Variants in UGT1A10 observed in about 807,000 individuals in gnomAD.
UGT1A10 encodes the protein UDP-glucuronosyltransferase 1A10.
A neutral mutation model predicts 45.8 loss-of-function variants in UGT1A10; 49 were observed. That is an observed-to-expected ratio of 1.07 (90% CI 0.85 to 1.36). The LOEUF is 1.36. Among genes scored for constraint, UGT1A10 ranks in the 40% most tolerant of loss-of-function variants. UGT1A10 has a pLI of 0.00. For missense variants in UGT1A10, 745 were observed against 668.6 expected (o/e 1.11, Z -1.26); for synonymous variants, 284 against 249.7 (o/e 1.14, Z -1.29).
intron 1 of UGT1A10, among the ~76,000 whole-genome samples, chr2:233,738,491 G>A (rs113157638): frequency 2.0e-5 from 3 of 152,180 alleles, no homozygotes; most frequent in Non-Finnish European, 4.4e-5. Context: ...CTTGTTGAAC[G>A]GTTTTGACCA....
intron 1 of UGT1A10, among the ~76,000 whole-genome samples, chr2:233,663,916 T>C (rs1170443025): frequency 2.0e-5 from 3 of 152,200 alleles, no homozygotes; most frequent in East Asian, 1.9e-4. Flanking sequence ...ACAAGTAGAA[T>C]GATATAACTT....
intron 1 of UGT1A10, among the ~76,000 whole-genome samples, chr2:233,705,549 T>C (rs966498123): frequency 3.9e-5 from 6 of 152,104 alleles, no homozygotes; most frequent in Non-Finnish European, 8.8e-5. Flanking sequence ...GAGCAGCTGG[T>C]GATATTGCTT....
chr2:233,724,264 C>T (rs1250827727), intron 1 of UGT1A10, among the ~76,000 whole-genome samples: 29 of 116,506 alleles, frequency 2.5e-4, no homozygotes, highest in African/African-American at 4.8e-4. Flanking sequence ...ACCTCCCGGA[C>T]GGGGCGGCTG....
intron 1 of UGT1A10, among the ~76,000 whole-genome samples, chr2:233,724,164 AC>A (rs1305793865): frequency 2.6e-4 from 26 of 101,282 alleles, no homozygotes; most frequent in African/African-American, 4.5e-4. Flanking sequence ...GGGGGGGCTG[AC>A]CCCCCCATCT....
chr2:233,743,885 G>C (rs1351631369), intron 1 of UGT1A10: 1 of 1,366,928 alleles, frequency 7.3e-7, no homozygotes, highest in Non-Finnish European at 9.8e-7. Context: ...GGCCTGCCGG[G>C]GCACGTCCAG....
intron 1 of UGT1A10, among the ~76,000 whole-genome samples, chr2:233,673,258 T>G (rs2074255597): frequency 6.6e-6 from 1 of 152,184 alleles, no homozygotes; most frequent in Non-Finnish European, 1.5e-5. Flanking sequence ...TTTCTTTGCA[T>G]TTTTCACTTG....
At chr2:233,709,130 G>C (rs569076662) in intron 1 of UGT1A10, among the ~76,000 whole-genome samples, 1 of 152,068 alleles carries the variant, frequency 6.6e-6, no homozygotes, top group African/African-American at 2.4e-5. Flanking sequence ...TGGTGGCCAA[G>C]GGGATGAGAC....
chr2:233,707,308 T>A (rs1362623312), intron 1 of UGT1A10, among the ~76,000 whole-genome samples: 2 of 152,304 alleles, frequency 1.3e-5, no homozygotes, highest in Non-Finnish European at 2.9e-5. Flanking sequence ...GCAGGTTTGT[T>A]ACATAGCTAA....
Position 233,636,932 on chromosome 2 carries a change from TA to T in UGT1A10, c.413del (p.Lys138ArgfsTer18). On this transcript the variant is annotated frameshift_variant, in exon 1 of 5. Transcript: ENST00000344644. LOFTEE classifies it high-confidence loss of function. The stretch of plus-strand genomic sequence containing the variant: ...AATGACCGAAAATTAGTAGAATACT[TA>T]AAGGAGAGTTCTTTTGATGCAGTGT... Reference protein sequence around the residue: ...LFNDRKLVEYLKESSFDAVFL... With the variant: ...LFNDRKLVEYXKESSFDAVFL... The T allele has an allele frequency of 6.2e-7, 1 of 1,614,214 alleles. No individual in the cohort carries two copies. Among genetic ancestry groups the T allele is most frequent in the Non-Finnish European group, 8.5e-7 (1 of 1,180,038 alleles).
chr2:233,761,974 C>T (rs914774281), intron 1 of UGT1A10, among the ~76,000 whole-genome samples: 3 of 152,214 alleles, frequency 2.0e-5, no homozygotes, highest in African/African-American at 7.2e-5. Context: ...CTGATATCAC[C>T]TTCGGAGGTG....
intron 1 of UGT1A10, chr2:233,647,786 G>C: frequency 1.6e-6 from 1 of 623,018 alleles, no homozygotes; most frequent in Admixed American, 3.2e-5. Flanking sequence ...TTCCTAATCA[G>C]TCTGGGTAGA....
At chr2:233,711,358 CT>C (rs2076176304) in intron 1 of UGT1A10, among the ~76,000 whole-genome samples, 1 of 152,218 alleles carries the variant, frequency 6.6e-6, no homozygotes, top group African/African-American at 2.4e-5. Flanking sequence ...GGGGAGCCCC[CT>C]GAATGTGGTG....
intron 1 of UGT1A10, among the ~76,000 whole-genome samples, chr2:233,680,179 G>A (rs559961507): frequency 6.6e-6 from 1 of 152,104 alleles, no homozygotes; most frequent in African/African-American, 2.4e-5. Context: ...TTGCTTCTTG[G>A]GAGTACTTGC....
chr2:233,743,440 G>C (rs192671736), intron 1 of UGT1A10: 1 of 1,361,822 alleles, frequency 7.3e-7, no homozygotes, highest in South Asian at 1.1e-5. Context: ...ACGAAATCCT[G>C]TATCAAAAGA....
chr2:233,760,983 C>T (rs752251675), intron 1 of UGT1A10: 4 of 1,614,060 alleles, frequency 2.5e-6, no homozygotes, highest in Non-Finnish European at 8.5e-7. Flanking sequence ...CGTATGCAAC[C>T]CTTGCCTCAG....
At chr2:233,682,507 C>G in intron 1 of UGT1A10, 1 of 1,613,928 alleles carries the variant, frequency 6.2e-7, no homozygotes, top group Non-Finnish European at 8.5e-7. Context: ...TTTCCTATGT[C>G]CCCAGACTTC....
chr2:233,746,760 G>A (rs1693469059), intron 1 of UGT1A10, among the ~76,000 whole-genome samples: 1 of 151,816 alleles, frequency 6.6e-6, no homozygotes, highest in South Asian at 2.1e-4. Context: ...AGATTAATTG[G>A]ATTGCTTAGT....
intron 1 of UGT1A10, among the ~76,000 whole-genome samples, chr2:233,659,622 G>A (rs1321709683): frequency 5.9e-5 from 9 of 152,164 alleles, no homozygotes; most frequent in Admixed American, 4.6e-4. Flanking sequence ...GGAAGAGGTG[G>A]AGGAGGTGGA....
intron 1 of UGT1A10, chr2:233,717,851 C>G (rs1207053038): frequency 2.2e-6 from 1 of 455,084 alleles, no homozygotes; most frequent in Non-Finnish European, 4.4e-6. Flanking sequence ...CTTATCAGAA[C>G]TTGGTGCTGG....
Sources: gnomAD v4.1 joint callset for allele counts (sites outside exome capture counted in the v4.1 genomes callset) on GRCh38, gnomAD v4.1.1 for gene constraint, MANE v1.5 for transcripts, NCBI Gene and HGNC (gene_info 2026-07-23, HGNC 2026-07-21) for gene names.